TAX1BP1: variants seen among roughly 807,000 people sequenced by gnomAD.
The protein encoded by TAX1BP1 is tax1-binding protein 1.
A neutral mutation model predicts 97.7 loss-of-function variants in TAX1BP1; 62 were observed. That is an observed-to-expected ratio of 0.63 (90% CI 0.52 to 0.78). The LOEUF is 0.78. Among genes scored for constraint, TAX1BP1 ranks in the 30% least tolerant of loss-of-function variants. TAX1BP1 has a pLI of 0.00. For synonymous variants in TAX1BP1, 340 were observed against 304.2 expected (o/e 1.12, Z -1.23); for missense variants, 867 against 916.1 (o/e 0.95, Z 0.69).
rs12533731 is a variant in TAX1BP1, at chr7:27,760,276, C to G, written c.265+2143C>G. On this transcript the variant is annotated intron_variant, in intron 3 of 16. Transcript: ENST00000396319. ...AAAGAAAAACCTTTAAAAAACCAAACTATACTAAAATATTTATTTAATGAA... is the reference window on the plus strand; with the variant it reads ...AAAGAAAAACCTTTAAAAAACCAAAGTATACTAAAATATTTATTTAATGAA... Among the ~76,000 whole-genome samples, 2,053 of 152,168 alleles carry G rather than the reference C, an allele frequency of 0.013. 126 individuals carry two copies. In the East Asian group the frequency reaches 0.18, roughly 13 times the overall value.
intron 13 of TAX1BP1, 86 bp from the exon 14 acceptor site, chr7:27,816,263 T>C (rs1790764971): frequency 9.1e-7 from 1 of 1,098,692 alleles, no homozygotes; most frequent in Non-Finnish European, 1.3e-6. Flanking sequence ...ATTTTATTGT[T>C]ATATTTTGAC....
In TAX1BP1 at chr7:27,816,947, C is replaced by T. The variant is rs1353067746; in HGVS notation, c.1994C>T (p.Pro665Leu). ...ATACAAAGGCCACCTGTCAGAGTCC[C>T]CTCTTGGGGACTGGAAGACAATGTT... is the stretch of plus-strand genomic sequence containing the variant. ...DEIQRPPVRV[P>L]SWGLEDNVVC... is the part of the protein sequence containing the mutation. Residue 665 changes from proline (P) to leucine (L), a missense_variant, in exon 15 of 17, where the codon CCC becomes CTC. This residue lies in a region of TAX1BP1 where 822 missense variants were observed against 851.4 expected (regional missense o/e 0.97). Transcript: ENST00000396319. The T allele has an allele frequency of 1.9e-6, 3 of 1,614,050 alleles. No individual in the cohort carries two copies. The highest frequency in any genetic ancestry group is 2.5e-6 in the Non-Finnish European group (3 of 1,179,990).
chr7:27,816,435 A>G lies in TAX1BP1; in HGVS notation c.1851A>G (p.Ser617=). 1 of 1,573,750 alleles carries G rather than the reference A, an allele frequency of 6.4e-7. No individual in the cohort carries two copies. Among genetic ancestry groups the G allele is most frequent in the Non-Finnish European group, 8.6e-7 (1 of 1,168,284 alleles). Residue 617 remains serine, a synonymous_variant, in exon 14 of 17, where the codon TCA becomes TCG. Coordinates refer to ENST00000396319, the MANE Select transcript of TAX1BP1 (RefSeq NM_006024.7). ...GTCCTCAATGTTTCAAAACATGCTCAGAGCAAAATGGTTATGTTCTCACAT... is the reference window on the plus strand; with the variant it reads ...GTCCTCAATGTTTCAAAACATGCTCGGAGCAAAATGGTTATGTTCTCACAT... The part of the protein sequence containing the change: ...SQSPQCFKTC[S]EQNGYVLTLS...
rs185536295 is a variant in TAX1BP1 at position 27,805,037 on chromosome 7, A to G, written c.1764+4947A>G. Among the ~76,000 whole-genome samples the G allele has an allele frequency of 4.6e-5, 7 of 152,322 alleles. No homozygotes were observed. The East Asian group carries it at 1.2e-3, about 25-fold the overall frequency. On this transcript the variant is annotated intron_variant, in intron 13 of 16. Coordinates refer to ENST00000396319, the MANE Select transcript of TAX1BP1 (RefSeq NM_006024.7). The stretch of plus-strand genomic sequence containing the variant: ...GGTGGTACCTTCAAGGTAAATTCCT[A>G]GAAGCGTGATTGCTGGTTTGAAGGG...
intron 1 of TAX1BP1, among the ~76,000 whole-genome samples, chr7:27,740,897 G>A (rs1787564120): frequency 6.6e-6 from 1 of 152,168 alleles, no homozygotes; most frequent in Admixed American, 6.5e-5. Context: ...ACCCCGCCCC[G>A]TTCGCAAGGT....
At chr7:27,763,111 T>G (rs1479491689) in intron 3 of TAX1BP1, among the ~76,000 whole-genome samples, 1 of 152,180 alleles carries the variant, frequency 6.6e-6, no homozygotes, top group Non-Finnish European at 1.5e-5. Context: ...GCTTAGTCAT[T>G]GAATATTAGA....
At chr7:27,774,992 T>C (rs759606304) in intron 5 of TAX1BP1, among the ~76,000 whole-genome samples, 10 of 152,206 alleles carry the variant, frequency 6.6e-5, no homozygotes, top group Non-Finnish European at 1.2e-4. Flanking sequence ...TAATACCTTT[T>C]AAATTATGTT....
intron 13 of TAX1BP1, among the ~76,000 whole-genome samples, chr7:27,812,918 A>G (rs1790613645): frequency 6.6e-6 from 1 of 152,230 alleles, no homozygotes; most frequent in South Asian, 2.1e-4. Flanking sequence ...GGCCATGCCC[A>G]TTCATGTAGG....
chr7:27,776,434 G>C (rs757575192), intron 5 of TAX1BP1, among the ~76,000 whole-genome samples: 22 of 152,058 alleles, frequency 1.4e-4, no homozygotes, highest in Non-Finnish European at 2.4e-4. Flanking sequence ...ATTCTAGATA[G>C]ATAGTTTTTG....
At chr7:27,741,353 G>A (rs148929431) in intron 1 of TAX1BP1, among the ~76,000 whole-genome samples, 212 of 152,320 alleles carry the variant, frequency 1.4e-3, no homozygotes, top group African/African-American at 4.7e-3. Flanking sequence ...GCTTAGGACA[G>A]CCTTTCTCTT....
intron 13 of TAX1BP1, among the ~76,000 whole-genome samples, chr7:27,807,590 TG>T (rs1459993223): frequency 6.6e-6 from 1 of 152,182 alleles, no homozygotes; most frequent in Non-Finnish European, 1.5e-5. Context: ...TCAATACTGG[TG>T]ATCTTTCATT....
At chr7:27,771,097 A>ATTTTTTTTTT (rs57751582) in intron 5 of TAX1BP1, among the ~76,000 whole-genome samples, 25 of 40,570 alleles carry the variant, frequency 6.2e-4, no homozygotes, top group Non-Finnish European at 1.1e-3. Flanking sequence ...ACATTCAGCA[A>ATTTTTTTTTT]TTTTTTTTTT....
intron 15 of TAX1BP1, among the ~76,000 whole-genome samples, chr7:27,819,798 A>G (rs887124689): frequency 1.3e-5 from 2 of 152,198 alleles, no homozygotes; most frequent in Admixed American, 1.3e-4. Context: ...TTGGAGACCA[A>G]CTCTAATGAA....
At chr7:27,827,163 C>T (rs976084170) in intron 15 of TAX1BP1, among the ~76,000 whole-genome samples, 1 of 152,104 alleles carries the variant, frequency 6.6e-6, no homozygotes, top group African/African-American at 2.4e-5. Flanking sequence ...ATCAGCCTGG[C>T]TAACATGGTG....
At chr7:27,758,563 ATAAAG>A (rs1419117005) in intron 3 of TAX1BP1, among the ~76,000 whole-genome samples, 2 of 152,172 alleles carry the variant, frequency 1.3e-5, no homozygotes, top group Non-Finnish European at 2.9e-5. Context: ...TTATAAAATG[ATAAAG>A]TAATATAAAA....
chr7:27,773,842 TAGG>T (rs1337950306), intron 5 of TAX1BP1, among the ~76,000 whole-genome samples: 3 of 152,066 alleles, frequency 2.0e-5, no homozygotes. Flanking sequence ...GTTTTTCAAA[TAGG>T]AGTAAAAAGA....
At chr7:27,746,893 A>G (rs1195029351) in intron 1 of TAX1BP1, among the ~76,000 whole-genome samples, 1 of 152,180 alleles carries the variant, frequency 6.6e-6, no homozygotes. Flanking sequence ...AAGAAAGTTG[A>G]TATTTTTTAA....
intron 13 of TAX1BP1, among the ~76,000 whole-genome samples, chr7:27,812,803 A>G (rs1021050131): frequency 7.9e-5 from 12 of 152,294 alleles, no homozygotes; most frequent in African/African-American, 2.2e-4. Context: ...GTATGGGTCT[A>G]CTTTTAGAAT....
intron 5 of TAX1BP1, among the ~76,000 whole-genome samples, chr7:27,783,709 T>G (rs1262688126): frequency 6.6e-6 from 1 of 152,166 alleles, no homozygotes; most frequent in Non-Finnish European, 1.5e-5. Flanking sequence ...GGAGAAATAC[T>G]TGGGTTAAAT....
Sources: allele counts gnomAD v4.1 joint callset (sites outside exome capture counted in the v4.1 genomes callset), GRCh38; gene constraint gnomAD v4.1.1; regional missense constraint gnomAD v4.1.1; transcripts MANE v1.5; gene names NCBI Gene and HGNC (gene_info 2026-07-23, HGNC 2026-07-21).